DYSF: variants seen among roughly 807,000 people sequenced by gnomAD.
The protein encoded by DYSF is dysferlin.
DYSF carries 212 observed loss-of-function variants against 274.9 expected under a neutral mutation model. The ratio of observed to expected loss-of-function variants is 0.77; its 90% CI spans 0.69 to 0.86. The LOEUF is 0.86. Ranked by LOEUF, DYSF falls within the 40% of genes least tolerant of loss-of-function variation. The pLI, the probability that DYSF is intolerant of heterozygous loss-of-function variation, is 0.00. For missense variants in DYSF, 2,666 were observed against 2,783.2 expected (o/e 0.96, Z 0.95); for synonymous variants, 1,091 against 1,078.7 (o/e 1.01, Z -0.22).
intron 17 of DYSF, among the ~76,000 whole-genome samples, chr2:71,546,989 G>A (rs755917401): frequency 2.0e-5 from 3 of 152,262 alleles, no homozygotes; most frequent in Non-Finnish European, 4.4e-5. Flanking sequence ...TCCCCCAGGT[G>A]AGGCAGCTGG....
At chr2:71,485,385 G>A (rs1003056227) in intron 3 of DYSF, among the ~76,000 whole-genome samples, 4 of 152,126 alleles carry the variant, frequency 2.6e-5, no homozygotes, top group Admixed American at 1.3e-4. Flanking sequence ...GTGAAACCCC[G>A]TCACTACTCA....
At chr2:71,578,006 A>G (rs2092768819) in intron 30 of DYSF, among the ~76,000 whole-genome samples, 1 of 152,148 alleles carries the variant, frequency 6.6e-6, no homozygotes, top group African/African-American at 2.4e-5. Context: ...TCATGCCATT[A>G]GCAACTCTGT....
chr2:71,522,797 A>G (rs2087442325), intron 12 of DYSF, among the ~76,000 whole-genome samples: 1 of 152,136 alleles, frequency 6.6e-6, no homozygotes, highest in South Asian at 2.1e-4. Context: ...ATTAGGTGAC[A>G]TCTTAGGAAA....
chr2:71,577,808 T>TG (rs1285875306), intron 30 of DYSF, among the ~76,000 whole-genome samples: 2 of 152,162 alleles, frequency 1.3e-5, no homozygotes, highest in Admixed American at 1.3e-4. Context: ...AGCACAGCAC[T>TG]GGGGCTAAGG....
Position 71,674,183 on chromosome 2 carries a change from C to T in DYSF, c.5785-14C>T, listed in dbSNP as rs762269267. On this transcript the variant is annotated splice_polypyrimidine_tract_variant and intron_variant, in intron 51 of 55. Coordinates refer to ENST00000410020, the MANE Select transcript of DYSF (RefSeq NM_001130987.2). ...TGCTTCCTTGCATCCTTCTCTGTTC[C>T]TCTTCCGGGTCAGGATGCCTTCTGG... is the stretch of plus-strand genomic sequence containing the variant. 1.2e-6 allele frequency: 2 copies of T among 1,612,852 alleles called. No homozygotes were observed. Among genetic ancestry groups the T allele is most frequent in the African/African-American group, 1.3e-5 (1 of 74,906 alleles).
At chr2:71,466,574 G>T (rs553860636), upstream of DYSF, 207 of 1,098,988 alleles carry the variant, frequency 1.9e-4, 1 homozygote, top group African/African-American at 3.1e-3. Context: ...CCCCACAGGC[G>T]CCCGTCTGAC....
chr2:71,523,454 G>A (rs1185755906), intron 12 of DYSF, among the ~76,000 whole-genome samples: 1 of 151,874 alleles, frequency 6.6e-6, no homozygotes, highest in Non-Finnish European at 1.5e-5. Flanking sequence ...GGAACAACTA[G>A]CAGTCTCTGC....
In DYSF at chr2:71,503,491, G is replaced by A. The variant is rs190601528; in HGVS notation, c.345+172G>A. On this transcript the variant is annotated intron_variant, in intron 4 of 55. Transcript: ENST00000410020. Reference sequence around the variant, plus strand: ...TGTCTGGAGGGGCACTGGACTAGGGGAGATGGGAAGGGCAGAGGGAGCCCT... The same window carrying A: ...TGTCTGGAGGGGCACTGGACTAGGGAAGATGGGAAGGGCAGAGGGAGCCCT... 3.5e-3 allele frequency among the ~76,000 whole-genome samples: 532 copies of A among 152,250 alleles called. 2 individuals carry two copies. Among genetic ancestry groups the A allele is most frequent in the Admixed American group, 8.0e-3 (122 of 15,296 alleles).
At chr2:71,626,917 T>C (rs1431965327) in intron 41 of DYSF, among the ~76,000 whole-genome samples, 1 of 151,856 alleles carries the variant, frequency 6.6e-6, no homozygotes, top group East Asian at 1.9e-4. Context: ...TTAAATTTTC[T>C]AGGAATTATC....
At chr2:71,653,631 AG>A (rs2094708196) in intron 42 of DYSF, among the ~76,000 whole-genome samples, 1 of 124,822 alleles carries the variant, frequency 8.0e-6, no homozygotes. Context: ...GGACACAGGA[AG>A]GGGAACATCA....
At chr2:71,665,999 G>A (rs1393780988) in intron 47 of DYSF, among the ~76,000 whole-genome samples, 1 of 152,142 alleles carries the variant, frequency 6.6e-6, no homozygotes, top group Non-Finnish European at 1.5e-5. Flanking sequence ...CTGGTGCCAA[G>A]GTTATAAAAG....
At chr2:71,543,659 A>G (rs1182595021) in intron 17 of DYSF, among the ~76,000 whole-genome samples, 3 of 152,236 alleles carry the variant, frequency 2.0e-5, no homozygotes, top group Non-Finnish European at 4.4e-5. Context: ...TAGGAGCTGG[A>G]GACCAGCCCG....
At chr2:71,612,236 A>G (rs1215830441) in intron 38 of DYSF, among the ~76,000 whole-genome samples, 1 of 152,194 alleles carries the variant, frequency 6.6e-6, no homozygotes, top group African/African-American at 2.4e-5. Context: ...GTTGTGTTCA[A>G]AGTGCTTTTG....
intron 1 of DYSF, among the ~76,000 whole-genome samples, chr2:71,474,020 G>A (rs2082225944): frequency 6.8e-6 from 1 of 146,730 alleles, no homozygotes; most frequent in South Asian, 2.1e-4. Context: ...TCTGCCTCCC[G>A]GGTTCGAGTG....
chr2:71,513,595 G>C, intron 6 of DYSF, 121 bp from the exon 7 acceptor site: 1 of 1,015,516 alleles, frequency 9.8e-7, no homozygotes, highest in South Asian at 1.4e-5. Context: ...GGGAGAGGAA[G>C]AGGGGATGAG....
At chr2:71,537,632 C>T (rs75751107) in intron 16 of DYSF, among the ~76,000 whole-genome samples, 5,551 of 152,130 alleles carry the variant, frequency 0.036, 143 homozygotes, top group Middle Eastern at 0.054. Context: ...GTAGTGCCGG[C>T]GATGGAAAAC....
intron 3 of DYSF, among the ~76,000 whole-genome samples, chr2:71,499,874 G>A (rs925433522): frequency 6.6e-6 from 1 of 152,160 alleles, no homozygotes; most frequent in Non-Finnish European, 1.5e-5. Flanking sequence ...CAGGACCCAC[G>A]GGTGTCATTT....
chr2:71,629,304 C>A (rs913470164), intron 41 of DYSF, among the ~76,000 whole-genome samples: 8 of 152,278 alleles, frequency 5.3e-5, no homozygotes, highest in African/African-American at 1.9e-4. Context: ...CCCCAATCTG[C>A]TTGTTTATTT....
At chr2:71,520,352 T>G in intron 11 of DYSF, 144 bp downstream of exon 11, 1 of 954,278 alleles carries the variant, frequency 1.0e-6, no homozygotes, top group South Asian at 1.3e-5. Context: ...AGCAGGTCAT[T>G]CATCCTCCAT....
Sources: allele counts gnomAD v4.1 joint callset (sites outside exome capture counted in the v4.1 genomes callset), GRCh38; gene constraint gnomAD v4.1.1; transcripts MANE v1.5; gene names NCBI Gene and HGNC (gene_info 2026-07-23, HGNC 2026-07-21).